SND1: variants seen among roughly 807,000 people sequenced by gnomAD.
SND1 encodes the protein staphylococcal nuclease domain-containing protein 1.
In SND1, 38 loss-of-function variants were observed where a neutral mutation model predicts 121.7. That is an observed-to-expected ratio of 0.31 (90% CI 0.24 to 0.41). The LOEUF (loss-of-function observed/expected upper bound fraction) is 0.41, where lower values mean the gene tolerates loss of function less well. Among genes scored for constraint, SND1 ranks in the 10% least tolerant of loss-of-function variants. The pLI is 1.00. For synonymous variants in SND1, 401 were observed against 447.4 expected, an observed-to-expected ratio of 0.90 and a Z score of 1.31; for missense variants, 868 against 1,184.6, an observed-to-expected ratio of 0.73 and a Z score of 3.92.
chr7:127,726,748 TGC>T (rs1338867283), intron 10 of SND1, among the ~76,000 whole-genome samples: 1 of 152,228 alleles, frequency 6.6e-6, no homozygotes, highest in Admixed American at 6.5e-5. Context: ...AGTCTGTTCT[TGC>T]GGTGCTATTG....
intron 10 of SND1, among the ~76,000 whole-genome samples, chr7:127,806,587 T>G (rs1798242977): frequency 6.6e-6 from 1 of 152,244 alleles, no homozygotes; most frequent in African/African-American, 2.4e-5. Flanking sequence ...ATTTCCTGAT[T>G]ACTTCTTTCC....
Position 127,686,722 on chromosome 7 carries a change from C to T in SND1, c.188C>T (p.Ala63Val). The T allele has an allele frequency of 6.2e-7, 1 of 1,614,184 alleles. No homozygotes were observed. Among genetic ancestry groups the T allele is most frequent in the Non-Finnish European group, 8.5e-7 (1 of 1,180,010 alleles). ...CGTGCTGGAAATCTTGCTCGCCGGGCAGCCGCCACACAACCTGATGCAAAG... is the reference window on the plus strand; with the variant it reads ...CGTGCTGGAAATCTTGCTCGCCGGGTAGCCGCCACACAACCTGATGCAAAG... ...NIRAGNLARR[A>V]AATQPDAKDT... is the part of the protein sequence containing the mutation. Residue 63 changes from alanine to valine, a missense_variant, in exon 2 of 24, where the codon GCA becomes GTA. Transcript: ENST00000354725.
chr7:127,838,173 G>C (rs1452902198), intron 11 of SND1, among the ~76,000 whole-genome samples: 2 of 152,174 alleles, frequency 1.3e-5, no homozygotes, highest in Admixed American at 6.6e-5. Flanking sequence ...TGACTCAAAG[G>C]ACGGAGCAGG....
chr7:127,988,078 T>C (rs1482164825), intron 15 of SND1, among the ~76,000 whole-genome samples: 1 of 152,224 alleles, frequency 6.6e-6, no homozygotes, highest in Non-Finnish European at 1.5e-5. Context: ...CTTACTTCCA[T>C]TGGTTGTCTA....
intron 22 of SND1, among the ~76,000 whole-genome samples, chr7:128,091,537 C>T (rs957343217): frequency 1.3e-5 from 2 of 151,982 alleles, no homozygotes; most frequent in Non-Finnish European, 2.9e-5. Context: ...TGGGGTTGCC[C>T]GAGACCTCAT....
Position 128,085,895 on chromosome 7 carries a change from G to C in SND1, c.2304+115G>C. 1 of 906,820 alleles carries C rather than the reference G, an allele frequency of 1.1e-6. No homozygotes were observed. The allele number at this position is 906,820 out of a possible 1,614,324, so 56.2% of individuals were successfully genotyped here. ...GCTTACCAATAGAACAATGAGCATT[G>C]GGGCATCTCTGCTGTGCGTGTAACA... On this transcript the variant is annotated intron_variant, in intron 20 of 23. Coordinates refer to ENST00000354725, the MANE Select transcript of SND1 (RefSeq NM_014390.4). The surrounding 1 kb of genome is among the most constrained non-coding windows in gnomAD (Gnocchi z 4.4).
chr7:128,091,878 C>T lies in SND1; in HGVS notation c.2664C>T (p.Ala888=). The T allele has an allele frequency of 6.2e-7, 1 of 1,614,206 alleles. No individual in the cohort carries two copies. The highest frequency in any genetic ancestry group is 8.5e-7 in the Non-Finnish European group (1 of 1,180,044). The stretch of plus-strand genomic sequence containing the variant: ...ATGCCCAAGAGTCAGCCAAGAGCGC[C>T]AGGGTGAGTTCTTACCTTGGGAGCC... ...YLNAQESAKS[A]RLNLWRYGDF... The change falls in exon 23 of 24, where the codon GCC becomes GCT. Residue 888 remains alanine, a synonymous_variant. Transcript: ENST00000354725.
At chr7:127,982,176 A>G (rs188774425) in intron 15 of SND1, among the ~76,000 whole-genome samples, 1 of 152,226 alleles carries the variant, frequency 6.6e-6, no homozygotes, top group African/African-American at 2.4e-5. Context: ...CTGTCTGTAG[A>G]TGCTTCTCTT....
At chr7:128,013,495 C>T (rs1226641181) in intron 16 of SND1, among the ~76,000 whole-genome samples, 1 of 152,234 alleles carries the variant, frequency 6.6e-6, no homozygotes, top group African/African-American at 2.4e-5. Flanking sequence ...GTTTCTCAGT[C>T]ATTTGGAATT....
At chr7:128,008,343 G>A (rs1213348366) in intron 16 of SND1, among the ~76,000 whole-genome samples, 1 of 152,094 alleles carries the variant, frequency 6.6e-6, no homozygotes, top group Non-Finnish European at 1.5e-5. Flanking sequence ...ATTTTCCATC[G>A]CTTTCCCTGA....
intron 3 of SND1, among the ~76,000 whole-genome samples, chr7:127,696,160 G>C (rs1796003186): frequency 6.6e-6 from 1 of 152,148 alleles, no homozygotes; most frequent in Non-Finnish European, 1.5e-5. Context: ...TAATCTATTT[G>C]AGTTGGATAG....
chr7:127,710,144 G>A (rs1796273496), intron 9 of SND1, among the ~76,000 whole-genome samples: 2 of 151,916 alleles, frequency 1.3e-5, no homozygotes, highest in Non-Finnish European at 2.9e-5. Flanking sequence ...AATATATCGT[G>A]GCATGTGAAA....
intron 10 of SND1, among the ~76,000 whole-genome samples, chr7:127,747,962 C>T (rs1314057590): frequency 6.6e-6 from 1 of 152,132 alleles, no homozygotes; most frequent in Admixed American, 6.5e-5. Context: ...TCAATGTTCC[C>T]CCTTCCCACC....
chr7:128,041,259 A>AC (rs939563365), intron 16 of SND1, among the ~76,000 whole-genome samples: 32 of 151,250 alleles, frequency 2.1e-4, no homozygotes, highest in African/African-American at 6.8e-4. Context: ...ATATAATGAG[A>AC]CCCCCCATCT....
intron 10 of SND1, among the ~76,000 whole-genome samples, chr7:127,787,470 C>T (rs1797832968): frequency 6.6e-6 from 1 of 152,196 alleles, no homozygotes; most frequent in South Asian, 2.1e-4. Flanking sequence ...CTCTTAGGCT[C>T]AAGGCAGTTG....
Position 128,091,976 on chromosome 7 carries a change from T to C in SND1, c.2668-17T>C. On this transcript the variant is annotated splice_polypyrimidine_tract_variant and intron_variant, in intron 23 of 23. Coordinates refer to ENST00000354725, the MANE Select transcript of SND1 (RefSeq NM_014390.4). ...GTCCCGTATCCCTGAAGAGCTATTG[T>C]CTGTTTTTTCTTACAGCTGAACCTG... 3.1e-6 allele frequency: 5 copies of C among 1,614,150 alleles called. No homozygotes were observed. Among genetic ancestry groups the C allele is most frequent in the Non-Finnish European group, 4.2e-6 (5 of 1,180,024 alleles).
At chr7:127,865,520 C>G (rs1236400072) in intron 12 of SND1, among the ~76,000 whole-genome samples, 2 of 152,128 alleles carry the variant, frequency 1.3e-5, no homozygotes, top group Non-Finnish European at 2.9e-5. Flanking sequence ...AACAAACAAA[C>G]AAACAAACAA....
intron 9 of SND1, 116 bp downstream of exon 9, chr7:127,707,763 AGGAG>A: frequency 1.7e-6 from 1 of 579,148 alleles, no homozygotes; most frequent in Non-Finnish European, 3.0e-6. Flanking sequence ...GCAAGCCAGT[AGGAG>A]TGTGTGTGTG....
In SND1 at chr7:127,868,830, TA is replaced by T. The variant is rs1406006418; in HGVS notation, c.1344-19071del. Reference sequence around the variant, plus strand: ...CCACATGAACATTATATGGTTGTTTTATTTTTTTTAACTTTAGTTTGTGGGT... The same window carrying T: ...CCACATGAACATTATATGGTTGTTTTTTTTTTTTAACTTTAGTTTGTGGGT... On this transcript the variant is annotated intron_variant, in intron 12 of 23. Transcript: ENST00000354725. Among the ~76,000 whole-genome samples the T allele has an allele frequency of 8.5e-5, 13 of 152,212 alleles. No homozygotes were observed. In the East Asian group the frequency reaches 9.6e-4, roughly 11 times the overall value.
Sources: allele counts gnomAD v4.1 joint callset (sites outside exome capture counted in the v4.1 genomes callset), GRCh38; gene constraint gnomAD v4.1.1; non-coding constraint Gnocchi (gnomAD v3.1); transcripts MANE v1.5; gene names NCBI Gene and HGNC (gene_info 2026-07-23, HGNC 2026-07-21).